Variants in N4BP2 observed in about 807,000 individuals in gnomAD.
N4BP2 encodes NEDD4 binding protein 2, also known as NEDD4-binding protein 2.
Under a neutral mutation model 152.8 loss-of-function variants are expected in N4BP2, and 91 were observed. The ratio of observed to expected loss-of-function variants is 0.60; its 90% CI spans 0.50 to 0.71. The LOEUF (loss-of-function observed/expected upper bound fraction) is 0.71. Ranked by LOEUF, N4BP2 falls within the 30% of genes least tolerant of loss-of-function variation. N4BP2 has a pLI of 0.00. For synonymous variants in N4BP2, 646 were observed against 705.3 expected (o/e 0.92, Z 1.33); for missense variants, 1,923 against 2,059.1 (o/e 0.93, Z 1.28).
intron 2 of N4BP2, among the ~76,000 whole-genome samples, chr4:40,093,182 G>A (rs1714782333): frequency 6.6e-6 from 1 of 151,556 alleles, no homozygotes; most frequent in Admixed American, 6.6e-5. Context: ...GACCTCAGGT[G>A]ATCCACCCGC....
In N4BP2 at chr4:40,119,934, CAA is replaced by C. The variant is rs759273629; in HGVS notation, c.1824_1825del (p.Asp610ArgfsTer2). The stretch of plus-strand genomic sequence containing the variant: ...TACTCTTTAAAATAATCTTACAGCC[CAA>C]GAGACGATGAAGATATTATCTCTGA... On this transcript the variant is annotated frameshift_variant, in exon 9 of 18. Coordinates refer to ENST00000261435, the MANE Select transcript of N4BP2 (RefSeq NM_018177.6). LOFTEE classifies it high-confidence loss of function. 1 of 1,348,114 alleles carries C rather than the reference CAA, an allele frequency of 7.4e-7. No homozygotes were observed. The highest frequency in any genetic ancestry group is 1.0e-6 in the Non-Finnish European group (1 of 977,882). The allele number at this position is 1,348,114 out of a possible 1,614,324, so 83.5% of individuals were successfully genotyped here.
intron 2 of N4BP2, among the ~76,000 whole-genome samples, chr4:40,078,353 G>T (rs1400701655): frequency 6.6e-6 from 1 of 151,886 alleles, no homozygotes; most frequent in Non-Finnish European, 1.5e-5. Flanking sequence ...GGCCAGGCAG[G>T]TCTTGAACTC....
the N4BP2 span, among the ~76,000 whole-genome samples, chr4:40,178,970 G>A: frequency 5.3e-5 from 8 of 152,050 alleles, no homozygotes; most frequent in African/African-American, 1.4e-4. Context: ...TGTGGTTGCC[G>A]ATTTTTCATT....
At chr4:40,171,702 G>T in the N4BP2 span, among the ~76,000 whole-genome samples, 1 of 152,138 alleles carries the variant, frequency 6.6e-6, no homozygotes, top group Non-Finnish European at 1.5e-5. Flanking sequence ...TGATCACAAG[G>T]TGAGACCCCA....
chr4:40,061,526 A>G (rs777489005), intron 1 of N4BP2, among the ~76,000 whole-genome samples: 63 of 149,620 alleles, frequency 4.2e-4, no homozygotes, highest in Admixed American at 1.1e-3. Flanking sequence ...CACCACGCCC[A>G]GCTAAGTTTT....
chr4:40,098,692 G>A (rs535500963), intron 3 of N4BP2, among the ~76,000 whole-genome samples: 9 of 152,142 alleles, frequency 5.9e-5, no homozygotes, highest in Non-Finnish European at 1.0e-4. Context: ...AGTATATTGA[G>A]TTTTGTAAGT....
rs1720761947 is a variant in N4BP2, at chr4:40,148,023, G to A, written c.5143+3223G>A. ...TCCCAGACTGGGCAGCCAGGCAGAGGGGCTCCTCACATCCCAGACGGGGTG... is the reference window on the plus strand; with the variant it reads ...TCCCAGACTGGGCAGCCAGGCAGAGAGGCTCCTCACATCCCAGACGGGGTG... On this transcript the variant is annotated intron_variant, in intron 16 of 17. Transcript: ENST00000261435. 2.0e-5 allele frequency among the ~76,000 whole-genome samples: 3 copies of A among 151,236 alleles called. No homozygotes were observed. The South Asian group carries it at 6.3e-4, about 32-fold the overall frequency.
In N4BP2 at chr4:40,123,311, A is replaced by G. The variant is rs948776762; in HGVS notation, c.4284+99A>G. 12 of 784,062 alleles carry G rather than the reference A, an allele frequency of 1.5e-5. No homozygotes were observed. In the African/African-American group the frequency reaches 1.9e-4, roughly 13 times the overall value. The allele number at this position is 784,062 out of a possible 1,614,324, so 48.6% of individuals were successfully genotyped here. Reference sequence around the variant, plus strand: ...ACATAATATTAAGGAGTTCTATTGAATTTTGGCTTTGAGATGGAAGAGTTC... The same window carrying G: ...ACATAATATTAAGGAGTTCTATTGAGTTTTGGCTTTGAGATGGAAGAGTTC... On this transcript the variant is annotated intron_variant, in intron 10 of 17. Coordinates refer to ENST00000261435, the MANE Select transcript of N4BP2 (RefSeq NM_018177.6).
At chr4:40,145,802 A>G (rs533273708) in intron 16 of N4BP2, among the ~76,000 whole-genome samples, 12 of 152,334 alleles carry the variant, frequency 7.9e-5, no homozygotes, top group African/African-American at 2.9e-4. Context: ...CTAGTGGGGT[A>G]TACCATCTAG....
intron 4 of N4BP2, 55 bp downstream of exon 4, chr4:40,103,273 A>C: frequency 6.9e-7 from 1 of 1,452,516 alleles, no homozygotes; most frequent in Non-Finnish European, 9.3e-7. Flanking sequence ...ATTTGAACAC[A>C]AGTATGAATA....
chr4:40,118,646 G>T (rs1300414614), intron 8 of N4BP2, among the ~76,000 whole-genome samples: 1 of 152,116 alleles, frequency 6.6e-6, no homozygotes, highest in East Asian at 1.9e-4. Flanking sequence ...TGCTAATCCA[G>T]TATTTCCCTT....
At chr4:40,167,188 A>G in the N4BP2 span, 1 of 152,218 alleles carries the variant, frequency 6.6e-6, no homozygotes, top group East Asian at 1.9e-4. Context: ...AATTGATACA[A>G]CTGCTGGAAG....
chr4:40,081,684 A>T (rs1164017757), intron 2 of N4BP2, among the ~76,000 whole-genome samples: 1 of 151,622 alleles, frequency 6.6e-6, no homozygotes, highest in African/African-American at 2.4e-5. Context: ...GTTAAATATT[A>T]TCCAAATCAG....
intron 2 of N4BP2, among the ~76,000 whole-genome samples, chr4:40,085,133 G>A (rs1306935912): frequency 1.3e-5 from 2 of 151,570 alleles, no homozygotes; most frequent in African/African-American, 2.4e-5. Flanking sequence ...GGCTGGTCTT[G>A]AACTTCTGAC....
chr4:40,184,938 A>G, the N4BP2 span, among the ~76,000 whole-genome samples: 1 of 152,126 alleles, frequency 6.6e-6, no homozygotes, highest in African/African-American at 2.4e-5. Context: ...CCTGGGCAAC[A>G]GAGCAAGACT....
rs142480719 is a variant in N4BP2 at position 40,115,869 on chromosome 4, C to CA, written c.1665-2000_1665-1999insA. Among the ~76,000 whole-genome samples the CA allele has an allele frequency of 4.0e-3, 606 of 152,188 alleles. 3 individuals carry two copies. Among genetic ancestry groups the CA allele is most frequent in the African/African-American group, 0.014 (566 of 41,522 alleles). ...AAATCATGCTTATTGTTACTCATAT[C>CA]TCCTGTATTTGAGAGATGAATGTTG... On this transcript the variant is annotated intron_variant, in intron 7 of 17. Coordinates refer to ENST00000261435, the MANE Select transcript of N4BP2 (RefSeq NM_018177.6).
At chr4:40,135,992 T>G (rs1719348413) in intron 13 of N4BP2, among the ~76,000 whole-genome samples, 1 of 152,180 alleles carries the variant, frequency 6.6e-6, no homozygotes. Context: ...ATGATTTTCT[T>G]TAGATATTGG....
At chr4:40,190,119 A>G in the N4BP2 span, among the ~76,000 whole-genome samples, 1 of 152,176 alleles carries the variant, frequency 6.6e-6, no homozygotes, top group South Asian at 2.1e-4. Flanking sequence ...TCACTGTAAC[A>G]TATTCTACTA....
chr4:40,098,816 CTTTT>C (rs911218963), intron 3 of N4BP2, among the ~76,000 whole-genome samples: 1 of 152,072 alleles, frequency 6.6e-6, no homozygotes, highest in Non-Finnish European at 1.5e-5. Flanking sequence ...AACAAAAAAA[CTTTT>C]TTGTTTTCCA....
Sources: allele counts gnomAD v4.1 joint callset (sites outside exome capture counted in the v4.1 genomes callset), GRCh38; gene constraint gnomAD v4.1.1; transcripts MANE v1.5; gene names NCBI Gene and HGNC (gene_info 2026-07-23, HGNC 2026-07-21).